Variants in ESR1 observed in about 807,000 individuals in gnomAD.
ESR1 encodes the protein estrogen receptor.
In ESR1, 12 loss-of-function variants were observed where a neutral mutation model predicts 52.7. The ratio of observed to expected loss-of-function variants is 0.23; its 90% confidence interval spans 0.15 to 0.37. The LOEUF (loss-of-function observed/expected upper bound fraction) is 0.37, where lower values mean the gene tolerates loss of function less well. Among genes scored for constraint, ESR1 ranks in the 10% least tolerant of loss-of-function variants. ESR1 has a pLI of 1.00. For synonymous variants in ESR1, 305 were observed against 316.8 expected, an observed-to-expected ratio of 0.96 and a Z score of 0.39; for missense variants, 584 against 779.7, an observed-to-expected ratio of 0.75 and a Z score of 2.99.
chr6:151,888,882 AT>A (rs1372776482), intron 3 of ESR1, among the ~76,000 whole-genome samples: 1 of 152,068 alleles, frequency 6.6e-6, no homozygotes, highest in Non-Finnish European at 1.5e-5. Context: ...ATATGAAAGG[AT>A]TTTGAATTTT....
exon 2 of ESR1, chr6:151,701,980 A>C (rs1209588181): frequency 6.6e-6 from 1 of 152,246 alleles, no homozygotes; most frequent in Admixed American, 6.5e-5. Flanking sequence ...TGTAGATTTT[A>C]ATCTGAACTT....
intron 6 of ESR1, among the ~76,000 whole-genome samples, chr6:152,110,571 A>G (rs62429698): frequency 0.016 from 2,401 of 152,202 alleles, 24 homozygotes; most frequent in Non-Finnish European, 0.022. Context: ...AAAATAATGA[A>G]TGGGTACTAG....
intron 4 of ESR1, among the ~76,000 whole-genome samples, chr6:151,972,158 T>TA (rs899853997): frequency 1.3e-5 from 2 of 151,602 alleles, no homozygotes; most frequent in Non-Finnish European, 2.9e-5. Context: ...GAAATGATAA[T>TA]AAAAAAAATT....
intron 1 of ESR1, among the ~76,000 whole-genome samples, chr6:151,665,945 A>C (rs1331318858): frequency 6.6e-6 from 1 of 152,220 alleles, no homozygotes; most frequent in East Asian, 1.9e-4. Flanking sequence ...GTATCACTTA[A>C]AAATTACATT....
chr6:151,972,523 A>G (rs955250086), intron 4 of ESR1, among the ~76,000 whole-genome samples: 3 of 152,228 alleles, frequency 2.0e-5, no homozygotes, highest in East Asian at 1.9e-4. Context: ...AATGTGATAC[A>G]CCACATGAAT....
chr6:151,712,203 A>ATATC (rs1413469380), intron 2 of ESR1, among the ~76,000 whole-genome samples: 1 of 151,966 alleles, frequency 6.6e-6, no homozygotes, highest in African/African-American at 2.4e-5. Context: ...ACTGGTTTAT[A>ATATC]TATCTGTTTT....
At chr6:151,768,700 A>G (rs867558455) in intron 2 of ESR1, among the ~76,000 whole-genome samples, 8 of 152,250 alleles carry the variant, frequency 5.3e-5, no homozygotes, top group Middle Eastern at 3.2e-3. Flanking sequence ...GATAGATGAC[A>G]GGATAATAAA....
chr6:152,127,938 A>G (rs958477144), exon 7 of ESR1: 1 of 152,100 alleles, frequency 6.6e-6, no homozygotes, highest in Non-Finnish European at 1.5e-5. Context: ...GCCACTTCTC[A>G]TTCCATCTTA....
intron 3 of ESR1, among the ~76,000 whole-genome samples, chr6:151,932,770 G>A (rs1215058403): frequency 1.3e-5 from 2 of 151,456 alleles, no homozygotes; most frequent in Non-Finnish European, 2.9e-5. Flanking sequence ...TTGTAGGTAT[G>A]CGGCGTTATT....
chr6:151,976,862 T>C (rs1470276724), intron 4 of ESR1, among the ~76,000 whole-genome samples: 6 of 152,018 alleles, frequency 3.9e-5, no homozygotes, highest in South Asian at 4.1e-4. Flanking sequence ...GCTATACATA[T>C]ATATGTATAA....
At chr6:152,108,503 T>G (rs1413955381) in intron 6 of ESR1, among the ~76,000 whole-genome samples, 1 of 152,192 alleles carries the variant, frequency 6.6e-6, no homozygotes, top group Non-Finnish European at 1.5e-5. Flanking sequence ...CTTTTTGGAG[T>G]GAGGATTTAC....
intron 1 of ESR1, among the ~76,000 whole-genome samples, chr6:151,674,703 T>A (rs565665535): frequency 6.6e-6 from 1 of 152,344 alleles, no homozygotes; most frequent in South Asian, 2.1e-4. Flanking sequence ...GTTTCCTGAC[T>A]TTTTAATGAT....
intron 2 of ESR1, among the ~76,000 whole-genome samples, chr6:151,856,291 A>G (rs1787813545): frequency 6.6e-6 from 1 of 152,202 alleles, no homozygotes; most frequent in African/African-American, 2.4e-5. Context: ...GAAGGGAAAC[A>G]ACTAGTCCCA....
chr6:151,900,018 C>T (rs1472195044), intron 3 of ESR1, among the ~76,000 whole-genome samples: 10 of 152,344 alleles, frequency 6.6e-5, no homozygotes, highest in East Asian at 1.9e-4. Context: ...GCTGCAATCT[C>T]GGCACTTTGG....
At chr6:151,980,462 T>C (rs1239055560) in intron 4 of ESR1, among the ~76,000 whole-genome samples, 1 of 152,164 alleles carries the variant, frequency 6.6e-6, no homozygotes, top group Non-Finnish European at 1.5e-5. Context: ...AACATATGTT[T>C]TTTCCTAAAT....
At chr6:151,954,944 T>C (rs921046383) in intron 4 of ESR1, among the ~76,000 whole-genome samples, 2 of 152,324 alleles carry the variant, frequency 1.3e-5, no homozygotes, top group East Asian at 1.9e-4. Context: ...CGCCTTTACA[T>C]TGGGTCTGTG....
intron 6 of ESR1, among the ~76,000 whole-genome samples, chr6:152,084,017 C>CA (rs1384467632): frequency 2.0e-5 from 3 of 152,110 alleles, no homozygotes; most frequent in African/African-American, 4.8e-5. Context: ...GACTTGGAAC[C>CA]AACCCAAATG....
At chr6:151,913,512 G>C (rs537397253) in intron 3 of ESR1, among the ~76,000 whole-genome samples, 13 of 152,324 alleles carry the variant, frequency 8.5e-5, no homozygotes, top group African/African-American at 3.1e-4. Context: ...GTGCAAGGAA[G>C]AATTATTAAA....
chr6:151,847,939 A>G (rs946408334), intron 2 of ESR1, among the ~76,000 whole-genome samples: 1 of 150,636 alleles, frequency 6.6e-6, no homozygotes, highest in African/African-American at 2.5e-5. Flanking sequence ...AGGGATCTAG[A>G]ACTAGAAATA....
Sources: allele counts gnomAD v4.1 joint callset (sites outside exome capture counted in the v4.1 genomes callset), GRCh38; gene constraint gnomAD v4.1.1; transcripts MANE v1.5; gene names NCBI Gene and HGNC (gene_info 2026-07-23, HGNC 2026-07-21).